Variants in PTPRD observed in about 807,000 individuals in gnomAD.
The protein encoded by PTPRD is receptor-type tyrosine-protein phosphatase delta.
PTPRD carries 34 observed loss-of-function variants against 214.5 expected under a neutral mutation model. The ratio of observed to expected loss-of-function variants is 0.16; its 90% CI spans 0.12 to 0.21. PTPRD has a LOEUF of 0.21. Ranked by LOEUF, PTPRD falls within the 10% of genes least tolerant of loss-of-function variation. The probability of loss-of-function intolerance (pLI) is 1.00; values close to 1 mark genes in which losing one functional copy is unlikely to be tolerated. For missense variants in PTPRD, 2,545 were observed against 2,398.7 expected, an observed-to-expected ratio of 1.06 and a Z score of -1.27; for synonymous variants, 1,128 against 845.7, an observed-to-expected ratio of 1.33 and a Z score of -5.79.
chr9:9,124,586 A>G (rs1226915662), intron 10 of PTPRD, among the ~76,000 whole-genome samples: 1 of 152,190 alleles, frequency 6.6e-6, no homozygotes, highest in Non-Finnish European at 1.5e-5. Flanking sequence ...AAAAAAATAC[A>G]AAGAACTAAC....
chr9:10,098,864 A>G (rs2098522543), intron 3 of PTPRD, among the ~76,000 whole-genome samples: 1 of 151,786 alleles, frequency 6.6e-6, no homozygotes, highest in Admixed American at 6.6e-5. Flanking sequence ...ATGATTAAAG[A>G]TCACTGCACT....
intron 3 of PTPRD, among the ~76,000 whole-genome samples, chr9:10,069,969 C>T (rs2097966468): frequency 6.6e-6 from 1 of 151,890 alleles, no homozygotes; most frequent in African/African-American, 2.4e-5. Flanking sequence ...AAATATGTGC[C>T]ATGAACACAC....
Position 10,592,114 on chromosome 9 carries a change from A to G in PTPRD, c.-600+20284T>C, listed in dbSNP as rs2075602835. Among the ~76,000 whole-genome samples the G allele has an allele frequency of 2.6e-5, 4 of 152,126 alleles. No homozygotes were observed. In the South Asian group the frequency reaches 8.3e-4, roughly 31 times the overall value. On this transcript the variant is annotated intron_variant, in intron 2 of 45. Transcript: ENST00000381196. Reference sequence around the variant, plus strand: ...AAACACAGAAACTCTAGTGATGAGTATTAAGACTGAAGCAAGCAAGAAAGT... The same window carrying G: ...AAACACAGAAACTCTAGTGATGAGTGTTAAGACTGAAGCAAGCAAGAAAGT...
intron 3 of PTPRD, among the ~76,000 whole-genome samples, chr9:10,262,601 C>T (rs2093769533): frequency 6.6e-6 from 1 of 152,150 alleles, no homozygotes; most frequent in Admixed American, 6.5e-5. Flanking sequence ...AAAACAGAGA[C>T]ATTGGTACTG....
At chr9:9,942,866 A>G (rs2091838143) in intron 4 of PTPRD, among the ~76,000 whole-genome samples, 1 of 150,534 alleles carries the variant, frequency 6.6e-6, no homozygotes, top group South Asian at 2.1e-4. Context: ...AAAGCCATTA[A>G]CTACGTCAGC....
chr9:9,019,270 AG>A (rs2099550049), intron 10 of PTPRD, among the ~76,000 whole-genome samples: 1 of 150,544 alleles, frequency 6.6e-6, no homozygotes, highest in Non-Finnish European at 1.5e-5. Flanking sequence ...CAAGAAAGAA[AG>A]AAAAAGAAAG....
chr9:10,566,316 T>G (rs1322961999), intron 2 of PTPRD, among the ~76,000 whole-genome samples: 1 of 152,034 alleles, frequency 6.6e-6, no homozygotes, highest in Non-Finnish European at 1.5e-5. Flanking sequence ...GGTGTGTATA[T>G]TGTCAGCTTT....
At chr9:10,227,735 G>C (rs1439281228) in intron 3 of PTPRD, among the ~76,000 whole-genome samples, 1 of 151,878 alleles carries the variant, frequency 6.6e-6, no homozygotes, top group Non-Finnish European at 1.5e-5. Flanking sequence ...TGTTTGTTTT[G>C]TATCATCTGT....
intron 35 of PTPRD, among the ~76,000 whole-genome samples, chr9:8,435,290 G>A (rs1168231928): frequency 2.0e-5 from 3 of 152,028 alleles, no homozygotes; most frequent in African/African-American, 7.2e-5. Flanking sequence ...TTATTTTTGT[G>A]ACCCCTCTAA....
intron 3 of PTPRD, among the ~76,000 whole-genome samples, chr9:10,293,568 C>T (rs1280233101): frequency 6.6e-6 from 1 of 151,870 alleles, no homozygotes; most frequent in Non-Finnish European, 1.5e-5. Context: ...TAGGATACTC[C>T]TTGGGAGTTT....
At chr9:9,867,473 CAT>C (rs151040841) in intron 5 of PTPRD, among the ~76,000 whole-genome samples, 12,894 of 152,022 alleles carry the variant, frequency 0.085, 1,303 homozygotes, top group African/African-American at 0.25. Flanking sequence ...ACATAATAAA[CAT>C]ATTTTCCTCA....
intron 4 of PTPRD, among the ~76,000 whole-genome samples, chr9:9,940,015 T>C (rs547845581): frequency 2.0e-5 from 3 of 152,204 alleles, no homozygotes; most frequent in African/African-American, 7.2e-5. Context: ...TGAAAACAGA[T>C]GGCACTTTCA....
intron 9 of PTPRD, among the ~76,000 whole-genome samples, chr9:9,349,898 A>G (rs2050447629): frequency 6.6e-6 from 1 of 152,114 alleles, no homozygotes; most frequent in South Asian, 2.1e-4. Flanking sequence ...TGATCACACA[A>G]AAACTTAAAA....
intron 5 of PTPRD, 70 bp downstream of exon 5, chr9:9,938,437 T>C (rs1566530282): frequency 6.6e-6 from 1 of 152,158 alleles, no homozygotes; most frequent in South Asian, 2.1e-4. Context: ...ATTAATTCTG[T>C]AGATAGAAGT....
intron 12 of PTPRD, among the ~76,000 whole-genome samples, chr9:8,681,006 A>G (rs972234166): frequency 2.0e-5 from 3 of 152,200 alleles, no homozygotes; most frequent in African/African-American, 7.2e-5. Context: ...CCTAGGTTCA[A>G]AAATTTGAAA....
chr9:9,768,431 C>G (rs561045393), intron 5 of PTPRD, among the ~76,000 whole-genome samples: 28 of 152,256 alleles, frequency 1.8e-4, no homozygotes, highest in Middle Eastern at 3.4e-3. Context: ...GATATTTCTA[C>G]TCTACCACCC....
chr9:9,702,831 A>C (rs1195900976), intron 7 of PTPRD, among the ~76,000 whole-genome samples: 3 of 152,156 alleles, frequency 2.0e-5, no homozygotes, highest in African/African-American at 7.2e-5. Flanking sequence ...CAAGAAAGTG[A>C]ATGTGATCAG....
chr9:9,355,087 A>T (rs985680595), intron 9 of PTPRD, among the ~76,000 whole-genome samples: 2 of 151,756 alleles, frequency 1.3e-5, no homozygotes, highest in African/African-American at 4.8e-5. Flanking sequence ...TTGCAGCTTT[A>T]TTAAGAATGA....
At chr9:8,695,159 A>C (rs1035606929) in intron 12 of PTPRD, among the ~76,000 whole-genome samples, 4 of 152,170 alleles carry the variant, frequency 2.6e-5, no homozygotes, top group African/African-American at 9.7e-5. Context: ...GCAGCTCTAA[A>C]CACCACATAC....
Sources: gnomAD v4.1 joint callset for allele counts (sites outside exome capture counted in the v4.1 genomes callset) on GRCh38, gnomAD v4.1.1 for gene constraint, MANE v1.5 for transcripts, NCBI Gene and HGNC (gene_info 2026-07-23, HGNC 2026-07-21) for gene names.